KIAA1328: variants seen among roughly 807,000 people sequenced by gnomAD.
KIAA1328 encodes KIAA1328, also known as protein hinderin.
KIAA1328 carries 52 observed loss-of-function variants against 68.1 expected under a neutral mutation model. That is an observed-to-expected ratio of 0.76 (90% CI 0.61 to 0.96). The LOEUF is 0.96. KIAA1328 is among the 40% of genes least tolerant of loss of function. The pLI is 0.00. For missense variants in KIAA1328, 641 were observed against 677.6 expected (o/e 0.95, Z 0.60); for synonymous variants, 232 against 239.4 (o/e 0.97, Z 0.28).
rs2060598603 is a variant in KIAA1328, at chr18:37,223,382, C to G, written c.*1155C>G. The G allele has an allele frequency of 1.0e-6, 1 of 985,270 alleles. No individual in the cohort carries two copies. Among genetic ancestry groups the G allele is most frequent in the Admixed American group, 6.2e-5 (1 of 16,252 alleles). The allele number at this position is 985,270 out of a possible 1,614,324, so 61.0% of individuals were successfully genotyped here. On this transcript the variant is annotated 3_prime_UTR_variant, in exon 10 of 10. Transcript: ENST00000280020. ...CCTCATCCTGTCTGCTGTCTTTTCT[C>G]CCACAGAGCTCTTGAGATGGGTCCT...
intron 9 of KIAA1328, among the ~76,000 whole-genome samples, chr18:37,177,711 G>T (rs992013891): frequency 6.6e-6 from 1 of 151,958 alleles, no homozygotes; most frequent in African/African-American, 2.4e-5. Context: ...TTGAGTTACT[G>T]GTGGGGAGAG....
At chr18:36,924,105 G>A (rs1377635324) in intron 5 of KIAA1328, 2 of 152,170 alleles carry the variant, frequency 1.3e-5, no homozygotes, top group Non-Finnish European at 2.9e-5. Context: ...GGTAGATGCT[G>A]GTAGGGTAAG....
Position 36,885,590 on chromosome 18 carries a change from ACTGAAAG to A in KIAA1328, c.371_377del (p.Lys124SerfsTer18), listed in dbSNP as rs1421142295. ...AGGAAAAGGAAGTGACAGAGGAAAG[ACTGAAAG>A]CTGAGCAGGAGTCATTTGAGAAGAA... On this transcript the variant is annotated frameshift_variant, in exon 5 of 10. Transcript: ENST00000280020. LOFTEE classifies it high-confidence loss of function. The A allele has an allele frequency of 6.3e-7, 1 of 1,587,836 alleles. No individual in the cohort carries two copies. Among genetic ancestry groups the A allele is most frequent in the Non-Finnish European group, 8.6e-7 (1 of 1,169,032 alleles).
At chr18:36,833,935 A>G (rs1361176782) in intron 1 of KIAA1328, among the ~76,000 whole-genome samples, 1 of 152,212 alleles carries the variant, frequency 6.6e-6, no homozygotes, top group Non-Finnish European at 1.5e-5. Flanking sequence ...TCAGTTCCTC[A>G]GTAATGACCA....
intron 6 of KIAA1328, among the ~76,000 whole-genome samples, chr18:37,012,563 A>G (rs2054013859): frequency 6.6e-6 from 1 of 152,324 alleles, no homozygotes; most frequent in South Asian, 2.1e-4. Flanking sequence ...TTTTATAATT[A>G]TATGGAGGGA....
chr18:36,892,464 C>T (rs1219020211), intron 5 of KIAA1328, among the ~76,000 whole-genome samples: 1 of 151,932 alleles, frequency 6.6e-6, no homozygotes, highest in Admixed American at 6.6e-5. Context: ...TTTGATGAAT[C>T]TTGGCCTTTT....
intron 6 of KIAA1328, among the ~76,000 whole-genome samples, chr18:36,999,650 G>A (rs2053517018): frequency 6.6e-6 from 1 of 152,110 alleles, no homozygotes; most frequent in African/African-American, 2.4e-5. Context: ...ATGAAAACCT[G>A]TCACCTGGGA....
At chr18:36,945,391 G>A (rs1282512652) in intron 5 of KIAA1328, among the ~76,000 whole-genome samples, 30 of 150,744 alleles carry the variant, frequency 2.0e-4, no homozygotes, top group Admixed American at 1.9e-3. Flanking sequence ...GACAATAACC[G>A]CCCCCCCCAC....
chr18:36,948,555 T>C (rs78151961), intron 5 of KIAA1328, among the ~76,000 whole-genome samples: 1 of 128,614 alleles, frequency 7.8e-6, no homozygotes, highest in African/African-American at 2.8e-5. Context: ...CCACCACGCC[T>C]TTTTTTTTTT....
At chr18:37,018,674 C>G (rs772300985) in intron 6 of KIAA1328, among the ~76,000 whole-genome samples, 11 of 152,154 alleles carry the variant, frequency 7.2e-5, no homozygotes, top group Non-Finnish European at 1.3e-4. Flanking sequence ...TTAGAAAGAT[C>G]AGTCCTCAAT....
In KIAA1328 at chr18:36,927,166, A is replaced by G. The variant is rs1000707271; in HGVS notation, c.449-32142A>G. ...ATTTGGAGGGGACAAATATCCAACC[A>G]TATCAGCATAAAAGGGTCAGTAATG... On this transcript the variant is annotated intron_variant, in intron 5 of 9. Coordinates refer to ENST00000280020, the MANE Select transcript of KIAA1328 (RefSeq NM_020776.3). 1.5e-4 allele frequency among the ~76,000 whole-genome samples: 23 copies of G among 152,306 alleles called. 1 individual carries two copies. Among genetic ancestry groups the G allele is most frequent in the East Asian group, 7.7e-4 (4 of 5,178 alleles).
At chr18:37,016,216 G>A (rs1377433811) in intron 6 of KIAA1328, among the ~76,000 whole-genome samples, 3 of 152,084 alleles carry the variant, frequency 2.0e-5, no homozygotes, top group Non-Finnish European at 4.4e-5. Flanking sequence ...AGTGATGTTG[G>A]ATTTTATTGA....
chr18:37,149,551 A>G (rs2058981511), intron 7 of KIAA1328, among the ~76,000 whole-genome samples: 1 of 152,200 alleles, frequency 6.6e-6, no homozygotes, highest in Non-Finnish European at 1.5e-5. Context: ...AAAATTGACA[A>G]ATGGGATCTA....
chr18:37,138,425 T>G (rs2154207645), intron 7 of KIAA1328, among the ~76,000 whole-genome samples: 1 of 152,292 alleles, frequency 6.6e-6, no homozygotes, highest in Admixed American at 6.5e-5. Context: ...ACACCACACA[T>G]CTAAGTTACA....
At position 36,920,301 on chromosome 18, in the gene KIAA1328, TAG is replaced by T. The variant is rs372386800; in HGVS notation, c.448+34634_448+34635del. On this transcript the variant is annotated intron_variant, in intron 5 of 9. Coordinates refer to ENST00000280020, the MANE Select transcript of KIAA1328 (RefSeq NM_020776.3). ...AGTTATCCCAACACCATTTATTGAATAGAGAGTCCTTTCCCCATTGCTTATTA... is the reference window on the plus strand; with the variant it reads ...AGTTATCCCAACACCATTTATTGAATAGAGTCCTTTCCCCATTGCTTATTA... Among the ~76,000 whole-genome samples the T allele has an allele frequency of 1.0e-3, 155 of 152,316 alleles. 2 individuals carry two copies. Among genetic ancestry groups the T allele is most frequent in the African/African-American group, 3.7e-3 (154 of 41,582 alleles).
chr18:36,959,375 A>G lies in KIAA1328; in HGVS notation c.516A>G (p.Gln172=), dbSNP rs370518859. 1 of 1,609,124 alleles carries G rather than the reference A, an allele frequency of 6.2e-7. No homozygotes were observed. The highest frequency in any genetic ancestry group is 1.3e-5 in the African/African-American group (1 of 74,858). ...LSLYQKYLSE[Q]QEKLTMSLSE... Reference sequence around the variant, plus strand: ...TGTATCAGAAATATTTATCAGAACAACAGGAGAAGCTCACCATGTCTCTCT... The same window carrying G: ...TGTATCAGAAATATTTATCAGAACAGCAGGAGAAGCTCACCATGTCTCTCT... Residue 172 remains glutamine, a synonymous_variant, in exon 6 of 10, where the codon CAA becomes CAG. Transcript: ENST00000280020.
intron 6 of KIAA1328, among the ~76,000 whole-genome samples, chr18:36,976,885 A>G (rs573352392): frequency 1.3e-5 from 2 of 152,264 alleles, no homozygotes; most frequent in Admixed American, 6.5e-5. Context: ...TTGTTATATG[A>G]TCTCAATCTC....
chr18:37,125,762 C>T (rs2058374358), intron 7 of KIAA1328, among the ~76,000 whole-genome samples: 1 of 152,140 alleles, frequency 6.6e-6, no homozygotes, highest in Admixed American at 6.5e-5. Flanking sequence ...ACTTTGTGAG[C>T]TCTGATATGA....
intron 7 of KIAA1328, among the ~76,000 whole-genome samples, chr18:37,136,680 A>C (rs2058653301): frequency 6.6e-6 from 1 of 152,230 alleles, no homozygotes; most frequent in Non-Finnish European, 1.5e-5. Flanking sequence ...GAAACTAATC[A>C]TGTAGTGGAC....
Sources: allele counts gnomAD v4.1 joint callset (sites outside exome capture counted in the v4.1 genomes callset), GRCh38; gene constraint gnomAD v4.1.1; transcripts MANE v1.5; gene names NCBI Gene and HGNC (gene_info 2026-07-23, HGNC 2026-07-21).